The following MTFR1 variants were observed in gnomAD, a reference collection of about 807,000 sequenced individuals.
The protein encoded by MTFR1 is chondrocyte protein with a poly-proline region.
In MTFR1, 28 loss-of-function variants were observed where a neutral mutation model predicts 38.8. The ratio of observed to expected loss-of-function variants is 0.72; its 90% CI spans 0.53 to 0.99. The LOEUF (loss-of-function observed/expected upper bound fraction) is 0.99, where lower values mean the gene tolerates loss of function less well. MTFR1 is among the 50% of genes least tolerant of loss of function. The pLI, the probability that MTFR1 is intolerant of heterozygous loss-of-function variation, is 0.00. For synonymous variants in MTFR1, 145 were observed against 137.0 expected (o/e 1.06, Z -0.41); for missense variants, 358 against 395.5 (o/e 0.91, Z 0.81).
chr8:65,717,360 A>G (rs1806183002), intron 2 of MTFR1: 1 of 152,230 alleles, frequency 6.6e-6, no homozygotes, highest in Non-Finnish European at 1.5e-5. Flanking sequence ...TATCACTTTA[A>G]AAAGGCCAAT....
intron 2 of MTFR1, among the ~76,000 whole-genome samples, chr8:65,671,977 T>C (rs1489117308): frequency 6.6e-6 from 1 of 152,178 alleles, no homozygotes; most frequent in Admixed American, 6.5e-5. Flanking sequence ...CAGGTCAATA[T>C]GAGTAGTGCT....
At chr8:65,665,195 A>C (rs1380184195) in intron 1 of MTFR1, among the ~76,000 whole-genome samples, 1 of 151,984 alleles carries the variant, frequency 6.6e-6, no homozygotes, top group Admixed American at 6.6e-5. Flanking sequence ...AGCCTCCCAA[A>C]GTGCTGGGAT....
At chr8:65,659,433 T>G (rs1033345847) in intron 1 of MTFR1, among the ~76,000 whole-genome samples, 6 of 151,806 alleles carry the variant, frequency 4.0e-5, no homozygotes, top group Non-Finnish European at 8.8e-5. Flanking sequence ...GAGGTTTTTT[T>G]TTTTTTTTTT....
intron 1 of MTFR1, among the ~76,000 whole-genome samples, chr8:65,657,663 C>G (rs1206202153): frequency 1.3e-5 from 2 of 151,632 alleles, no homozygotes. Flanking sequence ...AATGATCATG[C>G]CACTGCACTC....
chr8:65,776,335 T>A, the MTFR1 span, among the ~76,000 whole-genome samples: 3 of 152,186 alleles, frequency 2.0e-5, no homozygotes, highest in Non-Finnish European at 2.9e-5. Flanking sequence ...TGAATTAACA[T>A]CACCTTGACT....
At chr8:65,721,042 G>T (rs973787540) in intron 3 of MTFR1, among the ~76,000 whole-genome samples, 2 of 152,078 alleles carry the variant, frequency 1.3e-5, no homozygotes, top group African/African-American at 4.8e-5. Flanking sequence ...CTGGCTCTAC[G>T]TTAACCTAAA....
chr8:65,690,433 G>A (rs757609150), intron 3 of MTFR1, among the ~76,000 whole-genome samples: 6 of 152,256 alleles, frequency 3.9e-5, no homozygotes, highest in Non-Finnish European at 8.8e-5. Context: ...GGAGGCTTAC[G>A]CAGGTGAATT....
At chr8:65,662,774 G>A (rs375667329) in intron 1 of MTFR1, among the ~76,000 whole-genome samples, 11 of 149,386 alleles carry the variant, frequency 7.4e-5, no homozygotes, top group Admixed American at 4.0e-4. Context: ...AGTGAGGAGC[G>A]TCTCCGCCCA....
chr8:65,727,442 TAG>T, intron 3 of MTFR1: 1 of 1,214,192 alleles, frequency 8.2e-7, no homozygotes, highest in Non-Finnish European at 1.1e-6. Context: ...GGTTGTTCAT[TAG>T]GTTCACCAAG....
At chr8:65,719,322 G>A in intron 2 of MTFR1, 1 of 1,613,904 alleles carries the variant, frequency 6.2e-7, no homozygotes, top group Non-Finnish European at 8.5e-7. Context: ...GGTAATAACT[G>A]TGAGTTCAAC....
intron 4 of MTFR1, among the ~76,000 whole-genome samples, chr8:65,694,038 G>A (rs1055141670): frequency 6.7e-6 from 1 of 150,362 alleles, no homozygotes; most frequent in African/African-American, 2.4e-5. Flanking sequence ...AAGTAGCTGG[G>A]ATCACAGGCA....
chr8:65,671,535 A>G (rs1804567974), intron 2 of MTFR1, among the ~76,000 whole-genome samples: 2 of 143,864 alleles, frequency 1.4e-5, no homozygotes, highest in Non-Finnish European at 3.0e-5. Flanking sequence ...GCAAGACCCT[A>G]TCTTTAAAAA....
chr8:65,746,797 G>A (rs933957030), intron 3 of MTFR1, among the ~76,000 whole-genome samples: 1 of 152,028 alleles, frequency 6.6e-6, no homozygotes, highest in Admixed American at 6.6e-5. Context: ...AGGCATGAAC[G>A]CTTTCCACTG....
chr8:65,649,720 A>G (rs560101430), intron 1 of MTFR1, among the ~76,000 whole-genome samples: 5 of 152,254 alleles, frequency 3.3e-5, no homozygotes, highest in East Asian at 1.9e-4. Context: ...CTGTGATGCT[A>G]TCAAATTCTA....
chr8:65,722,262 C>A (rs538849308), intron 3 of MTFR1: 1 of 152,238 alleles, frequency 6.6e-6, no homozygotes, highest in South Asian at 2.1e-4. Context: ...GCATCCCTCA[C>A]ACTCCTAAAG....
intron 2 of MTFR1, 150 bp from the exon 3 acceptor site, chr8:65,682,203 G>T: frequency 3.0e-6 from 1 of 329,900 alleles, no homozygotes; most frequent in Admixed American, 4.8e-5. Flanking sequence ...TTTTTGGATT[G>T]AGAAACATTA....
rs781502166 is a variant in MTFR1 at position 65,724,066 on chromosome 8, AAG to A, written c.*48+4588_*48+4589del. ...GCATAAATACATCTGATCATTCCAAAAGAGGACTTCTAATTTTCAAAACAGAT... is the reference window on the plus strand; with the variant it reads ...GCATAAATACATCTGATCATTCCAAAAGGACTTCTAATTTTCAAAACAGAT... On this transcript the variant is annotated intron_variant, in intron 3 of 3. Coordinates refer to the MTFR1 transcript ENST00000521247. Among the ~76,000 whole-genome samples, 58 of 152,214 alleles carry A rather than the reference AAG, an allele frequency of 3.8e-4. 1 individual carries two copies. The highest frequency in any genetic ancestry group is 1.8e-4 in the Non-Finnish European group (12 of 68,016).
intron 2 of MTFR1, among the ~76,000 whole-genome samples, chr8:65,674,303 CTT>C (rs762067963): frequency 9.5e-5 from 13 of 137,318 alleles, no homozygotes; most frequent in Admixed American, 1.5e-4. Context: ...TTTATTTTAT[CTT>C]TTTTTTTTTT....
intron 3 of MTFR1, among the ~76,000 whole-genome samples, chr8:65,764,975 T>C (rs1158102416): frequency 6.6e-6 from 1 of 152,070 alleles, no homozygotes; most frequent in Non-Finnish European, 1.5e-5. Context: ...CCCTGTAAAA[T>C]CTAACTGTAG....
Sources: allele counts gnomAD v4.1 joint callset (sites outside exome capture counted in the v4.1 genomes callset), GRCh38; gene constraint gnomAD v4.1.1; transcripts MANE v1.5; gene names NCBI Gene and HGNC (gene_info 2026-07-23, HGNC 2026-07-21).